The following POU2AF1 variants were observed in gnomAD, a reference collection of about 807,000 sequenced individuals.
The protein encoded by POU2AF1 is POU class 2 homeobox associating factor 1.
POU2AF1 carries 12 observed loss-of-function variants against 26.3 expected under a neutral mutation model. The ratio of observed to expected loss-of-function variants is 0.46; its 90% CI spans 0.29 to 0.74. The LOEUF is 0.74. Ranked by LOEUF, POU2AF1 falls within the 30% of genes least tolerant of loss-of-function variation. The pLI, the probability that POU2AF1 is intolerant of heterozygous loss-of-function variation, is 0.09. For missense variants in POU2AF1, 297 were observed against 334.5 expected (o/e 0.89, Z 0.87); for synonymous variants, 175 against 148.0 (o/e 1.18, Z -1.32).
At chr11:111,366,863 T>A (rs998830366) in intron 1 of POU2AF1, among the ~76,000 whole-genome samples, 9 of 152,100 alleles carry the variant, frequency 5.9e-5, no homozygotes, top group Non-Finnish European at 1.5e-5. Flanking sequence ...ACAGAGGTCA[T>A]AGCCAACAGG....
chr11:111,362,505 A>C (rs1252874015), intron 1 of POU2AF1, among the ~76,000 whole-genome samples: 1 of 152,006 alleles, frequency 6.6e-6, no homozygotes, highest in Non-Finnish European at 1.5e-5. Context: ...TCTACTCTCT[A>C]TCTCCATGAA....
chr11:111,376,086 C>T (rs1348739732), intron 1 of POU2AF1, among the ~76,000 whole-genome samples: 3 of 152,212 alleles, frequency 2.0e-5, no homozygotes, highest in Non-Finnish European at 4.4e-5. Flanking sequence ...TAACACTGAT[C>T]ATTCAAGATG....
intron 1 of POU2AF1, among the ~76,000 whole-genome samples, chr11:111,367,432 C>T (rs955192563): frequency 9.9e-5 from 15 of 152,164 alleles, no homozygotes; most frequent in African/African-American, 3.6e-4. Context: ...CCGCTCCCTT[C>T]CTTTACCGAG....
chr11:111,367,652 C>T (rs1329893506), intron 1 of POU2AF1, among the ~76,000 whole-genome samples: 1 of 152,166 alleles, frequency 6.6e-6, no homozygotes, highest in Non-Finnish European at 1.5e-5. Flanking sequence ...CCCATCCTAA[C>T]CCTCCTTGCT....
intron 1 of POU2AF1, chr11:111,359,238 G>GT (rs1459492208): frequency 4.6e-5 from 18 of 390,026 alleles, no homozygotes; most frequent in African/African-American, 3.7e-4. Flanking sequence ...CAGAAGGTCT[G>GT]TCTGTGTTCT....
At chr11:111,354,615 A>G in intron 4 of POU2AF1, 40 bp from the exon 5 acceptor site, 3 of 1,464,344 alleles carry the variant, frequency 2.0e-6, no homozygotes, top group Non-Finnish European at 2.7e-6. Flanking sequence ...TAGCAGCCCC[A>G]GGAGACCCAT....
At chr11:111,354,646 A>T in intron 4 of POU2AF1, 71 bp from the exon 5 acceptor site, 1 of 1,307,098 alleles carries the variant, frequency 7.7e-7, no homozygotes, top group East Asian at 2.6e-5. Context: ...TTGCCCTTAG[A>T]GGGGTCTCCA....
chr11:111,365,273 T>G (rs1174313883), intron 1 of POU2AF1, among the ~76,000 whole-genome samples: 1 of 152,206 alleles, frequency 6.6e-6, no homozygotes, highest in Non-Finnish European at 1.5e-5. Context: ...GCCCTCATGA[T>G]GCAAGGGATT....
chr11:111,369,117 G>A (rs1249479911), intron 1 of POU2AF1, among the ~76,000 whole-genome samples: 1 of 152,202 alleles, frequency 6.6e-6, no homozygotes, highest in African/African-American at 2.4e-5. Context: ...CAGGCAGCAA[G>A]ATACCCCTAC....
At chr11:111,374,407 G>A (rs1861270279) in intron 1 of POU2AF1, among the ~76,000 whole-genome samples, 1 of 152,180 alleles carries the variant, frequency 6.6e-6, no homozygotes, top group African/African-American at 2.4e-5. Flanking sequence ...AGCAAGAACT[G>A]CTTAATTGGC....
chr11:111,358,448 A>ACT (rs758217780), intron 2 of POU2AF1, among the ~76,000 whole-genome samples: 1 of 147,642 alleles, frequency 6.8e-6, no homozygotes, highest in Admixed American at 6.8e-5. Flanking sequence ...ACTCTCACAC[A>ACT]CACACACTCT....
At position 111,352,589 on chromosome 11, in the gene POU2AF1, C is replaced by T. The variant is rs1413472976; in HGVS notation, c.*1672G>A. 5.6e-6 allele frequency: 1 copy of T among 179,946 alleles called. No individual in the cohort carries two copies. Among genetic ancestry groups the T allele is most frequent in the Non-Finnish European group, 1.2e-5 (1 of 84,074 alleles). 11.1% of individuals were successfully genotyped at this position (179,946 alleles called of 1,614,324 possible). A position where few individuals can be genotyped will look rare whatever the true frequency, so the allele number is the denominator to read the frequency against. ...GGGAGGGTGTTTGCGTGGAGGGGGC[C>T]TTGGTTCCACAGAATGGTGGCTTAT... On this transcript the variant is annotated 3_prime_UTR_variant, in exon 5 of 5. Transcript: ENST00000393067.
intron 1 of POU2AF1, among the ~76,000 whole-genome samples, chr11:111,372,379 G>A (rs1184257139): frequency 1.3e-5 from 2 of 150,584 alleles, no homozygotes; most frequent in Non-Finnish European, 3.0e-5. Context: ...AAACAAAATG[G>A]GTTCTCATGG....
At chr11:111,357,242 G>A (rs912461616) in intron 4 of POU2AF1, among the ~76,000 whole-genome samples, 4 of 152,180 alleles carry the variant, frequency 2.6e-5, no homozygotes, top group Non-Finnish European at 5.9e-5. Context: ...AAAGTATGAC[G>A]AGAGAGGCTG....
At chr11:111,374,375 T>C (rs980010918) in intron 1 of POU2AF1, among the ~76,000 whole-genome samples, 2 of 152,212 alleles carry the variant, frequency 1.3e-5, no homozygotes, top group African/African-American at 2.4e-5. Context: ...TGTCTCTCTT[T>C]TGGATTCTAC....
At position 111,358,842 on chromosome 11, in the gene POU2AF1, C is replaced by T; in HGVS notation, c.93G>A (p.Leu31=). The T allele has an allele frequency of 6.2e-7, 1 of 1,609,218 alleles. No homozygotes were observed. Among genetic ancestry groups the T allele is most frequent in the Non-Finnish European group, 8.5e-7 (1 of 1,179,918 alleles). ...GVRVKEPVKE[L]LRRKRGHASS... is the part of the protein sequence containing the mutation. ...TGGCGTGGCCTCGCTTCCTCCTCAG[C>T]AGTTCCTTCACTGGCTCCTTCACAC... The change falls in exon 2 of 5, where the codon CTG becomes CTA. Residue 31 remains leucine (L), a synonymous_variant. Transcript: ENST00000393067.
At chr11:111,361,889 C>T (rs1382832921) in intron 1 of POU2AF1, among the ~76,000 whole-genome samples, 10 of 152,162 alleles carry the variant, frequency 6.6e-5, no homozygotes, top group African/African-American at 2.2e-4. Context: ...TATTCCCTTC[C>T]GAAATCTGAG....
rs1308760542 is a variant in POU2AF1 at position 111,360,930 on chromosome 11, G to C, written c.17-2012C>G. ...TTGCACTCCAGCCTGGCAACAGAGA[G>C]AGACTCTGTCTCAAAAAAAAAAAAA... On this transcript the variant is annotated intron_variant, in intron 1 of 4. Transcript: ENST00000393067. Among the ~76,000 whole-genome samples, 6 of 144,598 alleles carry C rather than the reference G, an allele frequency of 4.1e-5. No individual in the cohort carries two copies. In the East Asian group the frequency reaches 1.0e-3, roughly 24 times the overall value. The allele number at this position is 144,598 out of a possible 152,430, so 94.9% of individuals were successfully genotyped here. A position where few individuals can be genotyped will look rare whatever the true frequency, so the allele number is the denominator to read the frequency against.
chr11:111,363,694 A>G, intron 1 of POU2AF1: 1 of 492,520 alleles, frequency 2.0e-6, no homozygotes. Context: ...AAAATAAACC[A>G]GGAGATTGAA....
Sources: allele counts gnomAD v4.1 joint callset (sites outside exome capture counted in the v4.1 genomes callset), GRCh38; gene constraint gnomAD v4.1.1; transcripts MANE v1.5; gene names NCBI Gene and HGNC (gene_info 2026-07-23, HGNC 2026-07-21).